Variants in KLHL26 observed in about 807,000 individuals in gnomAD.
The protein encoded by KLHL26 is kelch like family member 26.
A neutral mutation model predicts 7.1 loss-of-function variants in KLHL26; 4 were observed. The ratio of observed to expected loss-of-function variants is 0.56; its 90% confidence interval spans 0.28 to 1.28. The LOEUF (loss-of-function observed/expected upper bound fraction) is 1.28. Ranked by LOEUF, KLHL26 falls within the 50% of genes most tolerant of loss-of-function variation. KLHL26 has a pLI of 0.11. For missense variants in KLHL26, 896 were observed against 924.6 expected, an observed-to-expected ratio of 0.97 and a Z score of 0.40; for synonymous variants, 465 against 414.1, an observed-to-expected ratio of 1.12 and a Z score of -1.49.
intron 1 of KLHL26, among the ~76,000 whole-genome samples, chr19:18,641,200 A>G (rs1336444199): frequency 6.6e-6 from 1 of 150,936 alleles, no homozygotes; most frequent in Non-Finnish European, 1.5e-5. Flanking sequence ...TTTGGTTTTA[A>G]TTTGCATTTC....
At chr19:18,654,378 C>T (rs934345126) in intron 1 of KLHL26, among the ~76,000 whole-genome samples, 1 of 150,660 alleles carries the variant, frequency 6.6e-6, no homozygotes, top group African/African-American at 2.4e-5. Flanking sequence ...ACCATCTGCC[C>T]ACCCATCCAC....
rs1466679245 is a variant in KLHL26 at position 18,656,393 on chromosome 19, C to T, written c.84-7868C>T. ...AACTCCCGGTGTGACTTGGGCAGCCCGCCACCCTCTCTGAGCCTTGGCGTC... is the reference window on the plus strand; with the variant it reads ...AACTCCCGGTGTGACTTGGGCAGCCTGCCACCCTCTCTGAGCCTTGGCGTC... On this transcript the variant is annotated intron_variant, in intron 1 of 2. Transcript: ENST00000300976. This position sits in a 1 kb window ranked among gnomAD's most constrained non-coding sequence, Gnocchi z 4.4. 5.3e-5 allele frequency among the ~76,000 whole-genome samples: 8 copies of T among 151,004 alleles called. No homozygotes were observed. Among genetic ancestry groups the T allele is most frequent in the Admixed American group, 2.0e-4 (3 of 15,162 alleles).
chr19:18,651,556 C>A (rs2052257160), intron 1 of KLHL26, among the ~76,000 whole-genome samples: 2 of 152,350 alleles, frequency 1.3e-5, no homozygotes, highest in Admixed American at 1.3e-4. Flanking sequence ...TGACAGACCC[C>A]CTCTGATGCT....
intron 1 of KLHL26, among the ~76,000 whole-genome samples, chr19:18,663,582 G>C (rs1451086684): frequency 6.6e-6 from 1 of 152,182 alleles, no homozygotes; most frequent in Admixed American, 6.5e-5. Context: ...GAGGCCACCA[G>C]GACAGAGCAG....
chr19:18,668,680 C>A lies in KLHL26; in HGVS notation c.1283C>A (p.Ala428Asp). 1 of 1,575,062 alleles carries A rather than the reference C, an allele frequency of 6.3e-7. No homozygotes were observed. ...TGGRNRAGSL[A>D]SVERYCPRRN... The stretch of plus-strand genomic sequence containing the variant: ...GGCCGCAACCGAGCCGGCAGCCTGG[C>A]CTCCGTGGAGCGGTACTGCCCCCGG... Residue 428 changes from alanine (A) to aspartate (D), a missense_variant, in exon 3 of 3, where the codon GCC becomes GAC. Coordinates refer to ENST00000300976, the MANE Select transcript of KLHL26 (RefSeq NM_018316.3).
intron 1 of KLHL26, among the ~76,000 whole-genome samples, chr19:18,663,880 G>C (rs2052416729): frequency 6.6e-6 from 1 of 152,068 alleles, no homozygotes; most frequent in South Asian, 2.1e-4. Flanking sequence ...GACTTGAGAA[G>C]GCTCCCGTGT....
Position 18,669,026 on chromosome 19 carries a change from C to T in KLHL26, c.1629C>T (p.Ser543=), listed in dbSNP as rs11557628. ...VPETDQWTSV[S]PMRAGQSEAG... ...AGACGGACCAGTGGACCAGCGTGAG[C>T]CCCATGCGGGCCGGCCAGTCAGAGG... Residue 543 remains serine (S), a synonymous_variant, in exon 3 of 3, where the codon AGC becomes AGT. Transcript: ENST00000300976. 65 of 1,612,688 alleles carry T rather than the reference C, an allele frequency of 4.0e-5. No homozygotes were observed. The highest frequency in any genetic ancestry group is 5.3e-5 in the African/African-American group (4 of 74,938).
chr19:18,642,826 C>T lies in KLHL26; in HGVS notation c.83+5689C>T, dbSNP rs551725373. 2.6e-5 allele frequency among the ~76,000 whole-genome samples: 4 copies of T among 151,046 alleles called. No individual in the cohort carries two copies. The East Asian group carries it at 7.9e-4, about 30-fold the overall frequency. On this transcript the variant is annotated intron_variant, in intron 1 of 2. Transcript: ENST00000300976. ...GAGTAGCTGGGACTACAGGCATCTA[C>T]TAACACACCTAATTTTTTTTTTTTT...
intron 2 of KLHL26, among the ~76,000 whole-genome samples, chr19:18,664,819 C>T (rs1031876801): frequency 6.6e-6 from 1 of 151,950 alleles, no homozygotes; most frequent in Non-Finnish European, 1.5e-5. Context: ...CTCCTGACTT[C>T]GTGATCTGCC....
In KLHL26 at chr19:18,669,112, A is replaced by G; in HGVS notation, c.1715A>G (p.Asn572Ser). The G allele has an allele frequency of 1.2e-6, 2 of 1,612,920 alleles. No homozygotes were observed. The highest frequency in any genetic ancestry group is 1.7e-6 in the Non-Finnish European group (2 of 1,179,968). The change falls in exon 3 of 3, where the codon AAC becomes AGC. Residue 572 changes from asparagine to serine, a missense_variant. Asn to Ser is a conservative substitution (Grantham distance 46). Coordinates refer to ENST00000300976, the MANE Select transcript of KLHL26 (RefSeq NM_018316.3). The part of the protein sequence containing the change: ...YIVGGYNWRL[N>S]NVTGIVQVYN... ...GTCGGGGGCTACAACTGGCGTCTCA[A>G]CAACGTCACGGGCATCGTACAGGTG...
At chr19:18,667,522 G>A (rs985008641) in intron 2 of KLHL26, 142 bp from the exon 3 acceptor site, 9 of 1,395,318 alleles carry the variant, frequency 6.5e-6, no homozygotes, top group Middle Eastern at 2.5e-4. Context: ...TGTTTTTAAT[G>A]AGCATTCCGC....
intron 1 of KLHL26, among the ~76,000 whole-genome samples, chr19:18,639,169 A>T (rs1005225457): frequency 2.0e-5 from 3 of 148,230 alleles, no homozygotes; most frequent in African/African-American, 7.5e-5. Context: ...TCTGCCTTCC[A>T]GGTTCAAGGG....
chr19:18,658,966 T>A (rs1385282637), intron 1 of KLHL26, among the ~76,000 whole-genome samples: 3 of 151,370 alleles, frequency 2.0e-5, no homozygotes, highest in Non-Finnish European at 4.4e-5. Flanking sequence ...TCTCCTTCTC[T>A]CTGGGTCTCT....
At chr19:18,658,620 T>C (rs765400153) in intron 1 of KLHL26, among the ~76,000 whole-genome samples, 15 of 148,296 alleles carry the variant, frequency 1.0e-4, no homozygotes, top group Admixed American at 2.7e-4. Flanking sequence ...TCTCCCTGGG[T>C]CTCCGTCTCC....
chr19:18,637,846 A>G (rs142853958), intron 1 of KLHL26, among the ~76,000 whole-genome samples: 8 of 152,284 alleles, frequency 5.3e-5, no homozygotes, highest in Non-Finnish European at 1.2e-4. Context: ...TAAAGGACTT[A>G]CAGAAAGGTC....
Position 18,667,857 on chromosome 19 carries a change from G to A in KLHL26, c.460G>A (p.Glu154Lys). 6.2e-7 allele frequency: 1 copy of A among 1,613,088 alleles called. No homozygotes were observed. The highest frequency in any genetic ancestry group is 1.1e-5 in the South Asian group (1 of 91,084). Reference protein sequence around the residue: ...QMLPVVELCEEFLKAAMSVET... With the variant: ...QMLPVVELCEKFLKAAMSVET... The stretch of plus-strand genomic sequence containing the variant: ...GCTGCCCGTGGTGGAGCTGTGCGAG[G>A]AGTTCCTGAAGGCGGCCATGAGCGT... Residue 154 changes from glutamate (E) to lysine (K), a missense_variant, in exon 3 of 3, where the codon GAG becomes AAG. By Grantham distance (56) the Glu-to-Lys change is moderately conservative. Coordinates refer to ENST00000300976, the MANE Select transcript of KLHL26 (RefSeq NM_018316.3).
chr19:18,670,988 C>G lies in KLHL26; in HGVS notation c.*1743C>G, dbSNP rs1384251602. On this transcript the variant is annotated 3_prime_UTR_variant, in exon 3 of 3. Transcript: ENST00000300976. ...TCTGCCTCCCAAAGTGCTGGGATTA[C>G]AGGTGTGAGCCACCATGCCCGGACC... The G allele has an allele frequency of 6.6e-6, 1 of 152,398 alleles. No homozygotes were observed. The highest frequency in any genetic ancestry group is 2.4e-5 in the African/African-American group (1 of 41,442). The allele number at this position is 152,398 out of a possible 1,614,324, so 9.4% of individuals were successfully genotyped here. A position where few individuals can be genotyped will look rare whatever the true frequency, so the allele number is the denominator to read the frequency against.
At chr19:18,661,693 GT>G (rs1335451892) in intron 1 of KLHL26, among the ~76,000 whole-genome samples, 1 of 152,006 alleles carries the variant, frequency 6.6e-6, no homozygotes, top group African/African-American at 2.4e-5. Flanking sequence ...TTGTATTTGG[GT>G]AAGTTTCAGA....
intron 1 of KLHL26, among the ~76,000 whole-genome samples, chr19:18,641,360 C>T (rs576899901): frequency 1.0e-3 from 154 of 148,168 alleles, no homozygotes; most frequent in Non-Finnish European, 1.7e-3. Context: ...GCTTTGTTGC[C>T]CAGGCTGGAG....
Sources: allele counts gnomAD v4.1 joint callset (sites outside exome capture counted in the v4.1 genomes callset), GRCh38; gene constraint gnomAD v4.1.1; non-coding constraint Gnocchi (gnomAD v3.1); transcripts MANE v1.5; gene names NCBI Gene and HGNC (gene_info 2026-07-23, HGNC 2026-07-21).